TJP1: variants seen among roughly 807,000 people sequenced by gnomAD.
The protein encoded by TJP1 is tight junction protein ZO-1.
A neutral mutation model predicts 194.2 loss-of-function variants in TJP1; 43 were observed. The observed-to-expected ratio is 0.22, with a 90% CI of 0.17 to 0.29. The LOEUF (loss-of-function observed/expected upper bound fraction) is 0.29. TJP1 is among the 10% of genes least tolerant of loss of function. TJP1 has a pLI of 1.00. For missense variants in TJP1, 1,971 were observed against 2,185.7 expected, an observed-to-expected ratio of 0.90 and a Z score of 1.96; for synonymous variants, 801 against 779.0, an observed-to-expected ratio of 1.03 and a Z score of -0.47.
At chr15:29,884,364 T>C (rs1463330517) in intron 2 of TJP1, among the ~76,000 whole-genome samples, 1 of 152,106 alleles carries the variant, frequency 6.6e-6, no homozygotes, top group Non-Finnish European at 1.5e-5. Context: ...GCCCAGTGAA[T>C]CTTAGAGGGT....
At chr15:29,812,024 C>T (rs2049557527) in intron 1 of TJP1, among the ~76,000 whole-genome samples, 1 of 152,310 alleles carries the variant, frequency 6.6e-6, no homozygotes, top group African/African-American at 2.4e-5. Flanking sequence ...AACATAATAG[C>T]TTAGTATGTG....
At chr15:29,907,959 A>C (rs2053872141) in intron 2 of TJP1, among the ~76,000 whole-genome samples, 1 of 150,548 alleles carries the variant, frequency 6.6e-6, no homozygotes, top group Non-Finnish European at 1.5e-5. Context: ...TGAGAACAAC[A>C]GTGCTCTTGG....
intron 8 of TJP1, among the ~76,000 whole-genome samples, chr15:29,758,223 G>A (rs921224771): frequency 1.3e-5 from 2 of 152,004 alleles, no homozygotes; most frequent in Non-Finnish European, 2.9e-5. Flanking sequence ...ACTGTGTGTC[G>A]GGGGTGAGAG....
intron 1 of TJP1, among the ~76,000 whole-genome samples, chr15:29,959,760 T>A (rs1020241163): frequency 5.9e-5 from 9 of 152,218 alleles, no homozygotes; most frequent in African/African-American, 2.2e-4. Flanking sequence ...TTATTATTAA[T>A]TTTGTCGTAG....
Position 29,950,881 on chromosome 15 carries a change from A to G in TJP1, c.306+5351T>C, listed in dbSNP as rs530775663. Among the ~76,000 whole-genome samples, 76 of 151,998 alleles carry G rather than the reference A, an allele frequency of 5.0e-4. No homozygotes were observed. The South Asian group carries it at 5.6e-3, about 11-fold the overall frequency. On this transcript the variant is annotated intron_variant, in intron 2 of 28. Transcript: ENST00000356107. ...GGAAGTCTCGAGGTTACATTCTGTA[A>G]CCCCATATCCTTATCTGTAAAATGA... is the stretch of plus-strand genomic sequence containing the variant.
At chr15:29,873,014 A>G (rs879275753) in intron 2 of TJP1, among the ~76,000 whole-genome samples, 14 of 152,210 alleles carry the variant, frequency 9.2e-5, no homozygotes, top group Non-Finnish European at 1.2e-4. Context: ...ATTTCCACAG[A>G]AAGTCATTTT....
intron 1 of TJP1, chr15:29,968,384 G>T: frequency 2.0e-6 from 2 of 985,332 alleles, no homozygotes; most frequent in Non-Finnish European, 2.4e-6. Context: ...CCGGGTGCGG[G>T]TGCCAGGCGT....
At position 29,766,247 on chromosome 15, in the gene TJP1, A is replaced by C. The variant is rs746992132; in HGVS notation, c.589+19T>G. 7 of 1,595,850 alleles carry C rather than the reference A, an allele frequency of 4.4e-6. No individual in the cohort carries two copies. On this transcript the variant is annotated intron_variant, in intron 5 of 27. Coordinates refer to ENST00000614355, the MANE Select transcript of TJP1 (RefSeq NM_001330239.4). ...TAAATTTTCATGTGAAAAAAACAGC[A>C]AGAGTTGGCAGAGAATACCTTCATT...
At chr15:29,764,403 G>A (rs1057222322) in intron 5 of TJP1, among the ~76,000 whole-genome samples, 3 of 152,160 alleles carry the variant, frequency 2.0e-5, no homozygotes, top group Admixed American at 6.5e-5. Context: ...TAAGTCTAGT[G>A]TAGCTGAGAC....
intron 2 of TJP1, among the ~76,000 whole-genome samples, chr15:29,780,496 T>C (rs2047298338): frequency 6.6e-6 from 1 of 152,106 alleles, no homozygotes; most frequent in Non-Finnish European, 1.5e-5. Context: ...TTTGCTCACT[T>C]GCCCGCCACT....
At chr15:29,785,903 T>C (rs2047670597) in intron 2 of TJP1, among the ~76,000 whole-genome samples, 1 of 152,198 alleles carries the variant, frequency 6.6e-6, no homozygotes, top group Admixed American at 6.5e-5. Flanking sequence ...CTATACTACT[T>C]GCCAATCATG....
At chr15:29,755,043 T>C (rs1179070536) in intron 8 of TJP1, among the ~76,000 whole-genome samples, 1 of 152,228 alleles carries the variant, frequency 6.6e-6, no homozygotes, top group Non-Finnish European at 1.5e-5. Context: ...TAATCAACAA[T>C]GGACCCCACA....
intron 9 of TJP1, among the ~76,000 whole-genome samples, chr15:29,742,381 AGTGT>A (rs2044480812): frequency 6.6e-6 from 1 of 152,210 alleles, no homozygotes; most frequent in Non-Finnish European, 1.5e-5. Context: ...TTTAAGGAGC[AGTGT>A]TGGAAAACAA....
At chr15:29,839,661 T>G (rs1567122548) in intron 2 of TJP1, among the ~76,000 whole-genome samples, 1 of 152,038 alleles carries the variant, frequency 6.6e-6, no homozygotes, top group Admixed American at 6.6e-5. Flanking sequence ...AATAATAAAA[T>G]AACAAGAAAA....
At chr15:29,820,514 G>A (rs1223719793) in intron 1 of TJP1, 2 of 716,526 alleles carry the variant, frequency 2.8e-6, no homozygotes, top group Non-Finnish European at 5.2e-6. Flanking sequence ...TTCAGGAGAA[G>A]TACTCCTCCT....
intron 1 of TJP1, among the ~76,000 whole-genome samples, chr15:29,964,947 TCTC>T (rs2056281184): frequency 6.6e-6 from 1 of 152,054 alleles, no homozygotes; most frequent in African/African-American, 2.4e-5. Flanking sequence ...CAAATATAAT[TCTC>T]CTTACGAGAT....
intron 18 of TJP1, 138 bp downstream of exon 18, chr15:29,726,241 A>G: frequency 1.4e-6 from 1 of 735,030 alleles, no homozygotes; most frequent in Non-Finnish European, 2.3e-6. Context: ...CACACAAATT[A>G]TAAAAACCTA....
At chr15:29,945,678 G>C (rs764771168) in intron 2 of TJP1, among the ~76,000 whole-genome samples, 2 of 152,032 alleles carry the variant, frequency 1.3e-5, no homozygotes, top group African/African-American at 2.4e-5. Flanking sequence ...GGGAAAGCTA[G>C]GTTTCTCACT....
chr15:29,784,518 T>C (rs544923834), intron 2 of TJP1, among the ~76,000 whole-genome samples: 1 of 151,998 alleles, frequency 6.6e-6, no homozygotes, highest in African/African-American at 2.4e-5. Flanking sequence ...TGGCCAGGCT[T>C]GTCTCGAACT....
Sources: gnomAD v4.1 joint callset for allele counts (sites outside exome capture counted in the v4.1 genomes callset) on GRCh38, gnomAD v4.1.1 for gene constraint, MANE v1.5 for transcripts, NCBI Gene and HGNC (gene_info 2026-07-23, HGNC 2026-07-21) for gene names.